The following MRPL12 variants were observed in gnomAD, a reference collection of about 807,000 sequenced individuals.
The protein encoded by MRPL12 is mitochondrial ribosomal protein L12.
A neutral mutation model predicts 21.1 loss-of-function variants in MRPL12; 13 were observed. The observed-to-expected ratio is 0.62, with a 90% confidence interval of 0.40 to 0.98. The LOEUF (loss-of-function observed/expected upper bound fraction) is 0.98, where lower values mean the gene tolerates loss of function less well. Among genes scored for constraint, MRPL12 ranks in the 50% least tolerant of loss-of-function variants. MRPL12 has a pLI of 0.00. For missense variants in MRPL12, 251 were observed against 268.6 expected, an observed-to-expected ratio of 0.93 and a Z score of 0.46; for synonymous variants, 126 against 115.3, an observed-to-expected ratio of 1.09 and a Z score of -0.60.
chr17:81,706,159 T>C (rs1265957244), intron 3 of MRPL12, among the ~76,000 whole-genome samples: 1 of 152,202 alleles, frequency 6.6e-6, no homozygotes, highest in African/African-American at 2.4e-5. Flanking sequence ...GGCGCTGCTT[T>C]TATCTACAAA....
intron 1 of MRPL12, among the ~76,000 whole-genome samples, chr17:81,703,823 C>T (rs956709176): frequency 6.6e-6 from 1 of 152,236 alleles, no homozygotes; most frequent in Non-Finnish European, 1.5e-5. Flanking sequence ...CTCCCTTGGC[C>T]TCAGCCTTTT....
Position 81,703,492 on chromosome 17 carries a change from C to T in MRPL12, c.-10C>T, listed in dbSNP as rs919879712. ...GGGGAACCGCGTGTGACCTTCCAGC[C>T]CGCGGACCGATGCTGCCGGCGGCCG... On this transcript the variant is annotated 5_prime_UTR_variant, in exon 1 of 5. Transcript: ENST00000333676. The T allele has an allele frequency of 2.0e-6, 3 of 1,487,204 alleles. No homozygotes were observed. The highest frequency in any genetic ancestry group is 1.9e-4 in the Middle Eastern group (1 of 5,230). 92.1% of individuals were successfully genotyped at this position (1,487,204 alleles called of 1,614,324 possible). A position where few individuals can be genotyped will look rare whatever the true frequency, so the allele number is the denominator to read the frequency against.
chr17:81,704,236 G>A lies in MRPL12; in HGVS notation c.75-8G>A, dbSNP rs1568223210. ...GACAAGTCTGTTTTAATTGGGGGTG[G>A]GGGCTAGGCGACAGGTGCCATGTGT... On this transcript the variant is annotated splice_region_variant and splice_polypyrimidine_tract_variant and intron_variant, in intron 1 of 4. Transcript: ENST00000333676. The A allele has an allele frequency of 6.3e-7, 1 of 1,599,444 alleles. No individual in the cohort carries two copies. The highest frequency in any genetic ancestry group is 1.7e-5 in the Admixed American group (1 of 58,126).
At chr17:81,706,209 C>T (rs967452348) in intron 3 of MRPL12, among the ~76,000 whole-genome samples, 28 of 152,194 alleles carry the variant, frequency 1.8e-4, no homozygotes, top group African/African-American at 6.8e-4. Context: ...ATAAGTTACG[C>T]TTTCTAAGCG....
chr17:81,704,619 C>T lies in MRPL12; in HGVS notation c.262-14C>T, dbSNP rs368213507. 1 of 1,613,656 alleles carries T rather than the reference C, an allele frequency of 6.2e-7. No individual in the cohort carries two copies. Among genetic ancestry groups the T allele is most frequent in the Non-Finnish European group, 8.5e-7 (1 of 1,179,834 alleles). On this transcript the variant is annotated splice_polypyrimidine_tract_variant and intron_variant, in intron 2 of 4. Coordinates refer to ENST00000333676, the MANE Select transcript of MRPL12 (RefSeq NM_002949.4). ...GTGAGGGCCAGCTGTGGACACTGTT[C>T]TCTATCTCTGCAGAAAACGTTGAAG...
rs765495753 is a variant in MRPL12, at chr17:81,706,884, C to T, written c.346-22C>T. ...CCCCCAGCCCTTTGTCACCTGGCTC[C>T]CCTTCTTTCCTGCTCCCTAAGGCGG... On this transcript the variant is annotated intron_variant, in intron 3 of 4. Coordinates refer to ENST00000333676, the MANE Select transcript of MRPL12 (RefSeq NM_002949.4). 5 of 1,612,206 alleles carry T rather than the reference C, an allele frequency of 3.1e-6. No individual in the cohort carries two copies. The Admixed American group carries it at 6.7e-5, about 22-fold the overall frequency.
intron 1 of MRPL12, 86 bp from the exon 2 acceptor site, chr17:81,704,158 T>TC (rs2037287310): frequency 7.3e-7 from 1 of 1,370,462 alleles, no homozygotes; most frequent in African/African-American, 1.5e-5. Context: ...CACCCACCAG[T>TC]CCCCCAGTTG....
At chr17:81,703,822 C>T (rs923798205) in intron 1 of MRPL12, among the ~76,000 whole-genome samples, 8 of 152,372 alleles carry the variant, frequency 5.3e-5, no homozygotes, top group East Asian at 1.9e-4. Context: ...CCTCCCTTGG[C>T]CTCAGCCTTT....
At position 81,703,561 on chromosome 17, in the gene MRPL12, G is replaced by A. The variant is rs2037278047; in HGVS notation, c.60G>A (p.Ala20=). 1.4e-6 allele frequency: 2 copies of A among 1,454,780 alleles called. No individual in the cohort carries two copies. The highest frequency in any genetic ancestry group is 9.0e-7 in the Non-Finnish European group (1 of 1,109,258). 90.1% of individuals were successfully genotyped at this position (1,454,780 alleles called of 1,614,324 possible). Residue 20 remains alanine, a synonymous_variant, in exon 1 of 5, where the codon GCG becomes GCA. Coordinates refer to ENST00000333676, the MANE Select transcript of MRPL12 (RefSeq NM_002949.4). ...CTTGCCTTGGGCTTCGGGCCGCTGC[G>A]TTCCGCCTTGCCAGGTACGCGGGAT... ...WGPCLGLRAA[A]FRLARRQVPC...
Position 81,704,346 on chromosome 17 carries a change from G to T in MRPL12, c.177G>T (p.Glu59Asp). 1 of 1,613,636 alleles carries T rather than the reference G, an allele frequency of 6.2e-7. No individual in the cohort carries two copies. Among genetic ancestry groups the T allele is most frequent in the Non-Finnish European group, 8.5e-7 (1 of 1,179,914 alleles). Reference sequence around the variant, plus strand: ...CACCCCTGGATAACGCCCCCAAGGAGTACCCCCCCAAGATACAGCAGCTGG... The same window carrying T: ...CACCCCTGGATAACGCCCCCAAGGATTACCCCCCCAAGATACAGCAGCTGG... The part of the protein sequence containing the change: ...AGAPLDNAPK[E>D]YPPKIQQLVQ... The change falls in exon 2 of 5, where the codon GAG becomes GAT. Residue 59 changes from glutamate to aspartate, a missense_variant. Physicochemically the swap from Glu to Asp is conservative, Grantham distance 45. Transcript: ENST00000333676.
rs1163724787 is a variant in MRPL12, at chr17:81,703,484, C to T, written c.-18C>T. On this transcript the variant is annotated 5_prime_UTR_variant, in exon 1 of 5. Coordinates refer to ENST00000333676, the MANE Select transcript of MRPL12 (RefSeq NM_002949.4). ...CTCCTCCCGGGGAACCGCGTGTGAC[C>T]TTCCAGCCCGCGGACCGATGCTGCC... 3 of 1,487,520 alleles carry T rather than the reference C, an allele frequency of 2.0e-6. No homozygotes were observed. Among genetic ancestry groups the T allele is most frequent in the Middle Eastern group, 1.9e-4 (1 of 5,292 alleles). The allele number at this position is 1,487,520 out of a possible 1,614,324, so 92.1% of individuals were successfully genotyped here.
rs1192530373 is a variant in MRPL12, at chr17:81,707,297, C to T, written c.*57C>T. Reference sequence around the variant, plus strand: ...CCTGGGCCCCGGGCGAGGTCCCGCCCTCCCGTGGTCACTGGCTCCGCCCCC... The same window carrying T: ...CCTGGGCCCCGGGCGAGGTCCCGCCTTCCCGTGGTCACTGGCTCCGCCCCC... On this transcript the variant is annotated 3_prime_UTR_variant, in exon 5 of 5. Transcript: ENST00000333676. The T allele has an allele frequency of 6.1e-6, 9 of 1,471,676 alleles. No individual in the cohort carries two copies. The South Asian group carries it at 1.1e-4, about 18-fold the overall frequency. The allele number at this position is 1,471,676 out of a possible 1,614,324, so 91.2% of individuals were successfully genotyped here.
rs2037326071 is a variant in MRPL12 at position 81,707,423 on chromosome 17, C to CT, written c.*184dup. ...CTACTGTGGCGGGAGGGAGGGGCGG[C>CT]TGCTGCCTGGTGACGGCACCCGGAG... On this transcript the variant is annotated 3_prime_UTR_variant, in exon 5 of 5. Transcript: ENST00000333676. 1 of 622,404 alleles carries CT rather than the reference C, an allele frequency of 1.6e-6. No individual in the cohort carries two copies. Among genetic ancestry groups the CT allele is most frequent in the African/African-American group, 1.9e-5 (1 of 53,624 alleles). 38.6% of individuals were successfully genotyped at this position (622,404 alleles called of 1,614,324 possible).
chr17:81,704,150 C>T, intron 1 of MRPL12, 94 bp from the exon 2 acceptor site: 1 of 1,305,954 alleles, frequency 7.7e-7, no homozygotes, highest in South Asian at 1.5e-5. Flanking sequence ...GCTTATGGCA[C>T]CCACCAGTCC....
Position 81,706,900 on chromosome 17 carries a change from C to T in MRPL12, c.346-6C>T, listed in dbSNP as rs1353115181. 8.1e-6 allele frequency: 13 copies of T among 1,613,546 alleles called. No individual in the cohort carries two copies. The highest frequency in any genetic ancestry group is 1.0e-5 in the Non-Finnish European group (12 of 1,179,926). On this transcript the variant is annotated splice_region_variant and splice_polypyrimidine_tract_variant and intron_variant, in intron 3 of 4. Transcript: ENST00000333676. ...ACCTGGCTCCCCTTCTTTCCTGCTC[C>T]CTAAGGCGGTGGAAGAAGATATCCC... is the stretch of plus-strand genomic sequence containing the variant.
At chr17:81,704,841 C>T in intron 3 of MRPL12, 125 bp downstream of exon 3, 2 of 801,826 alleles carry the variant, frequency 2.5e-6, no homozygotes, top group Non-Finnish European at 4.0e-6. Flanking sequence ...ACCTGTGCGG[C>T]ATCCTGCAGC....
At position 81,704,442 on chromosome 17, in the gene MRPL12, G is replaced by A. The variant is rs368908509; in HGVS notation, c.261+12G>A. ...ACGAGCTCCTGAAGGTATCGTGAGA[G>A]GGTGGCACAGACCCAGGGGCTGGAA... On this transcript the variant is annotated intron_variant, in intron 2 of 4. Coordinates refer to ENST00000333676, the MANE Select transcript of MRPL12 (RefSeq NM_002949.4). 2 of 1,608,346 alleles carry A rather than the reference G, an allele frequency of 1.2e-6. No individual in the cohort carries two copies. The highest frequency in any genetic ancestry group is 2.2e-5 in the East Asian group (1 of 44,782).
intron 1 of MRPL12, 64 bp downstream of exon 1, chr17:81,703,639 G>T (rs865973488): frequency 7.8e-7 from 1 of 1,274,868 alleles, no homozygotes; most frequent in Non-Finnish European, 1.0e-6. Context: ...GGCACTGAGG[G>T]GTCGATCCGG....
intron 3 of MRPL12, 38 bp from the exon 4 acceptor site, chr17:81,706,868 C>T (rs1460086642): frequency 1.2e-6 from 2 of 1,608,396 alleles, no homozygotes; most frequent in Non-Finnish European, 1.7e-6. Context: ...CCCCCCAGCC[C>T]TTTGTCACCT....
Sources: gnomAD v4.1 joint callset for allele counts (sites outside exome capture counted in the v4.1 genomes callset) on GRCh38, gnomAD v4.1.1 for gene constraint, MANE v1.5 for transcripts, NCBI Gene and HGNC (gene_info 2026-07-23, HGNC 2026-07-21) for gene names.